The following PDE6B variants were observed in gnomAD, a reference collection of about 807,000 sequenced individuals.
PDE6B encodes rod cGMP-specific 3',5'-cyclic phosphodiesterase subunit beta.
A neutral mutation model predicts 109.0 loss-of-function variants in PDE6B; 106 were observed. That is an observed-to-expected ratio of 0.97 (90% CI 0.83 to 1.14). The LOEUF (loss-of-function observed/expected upper bound fraction) is 1.14, where lower values mean the gene tolerates loss of function less well. PDE6B is among the 50% of genes most tolerant of loss of function. PDE6B has a pLI of 0.00. For synonymous variants in PDE6B, 490 were observed against 471.3 expected, an observed-to-expected ratio of 1.04 and a Z score of -0.51; for missense variants, 1,193 against 1,155.6, an observed-to-expected ratio of 1.03 and a Z score of -0.47.
At chr4:661,204 A>G (rs549953368) in intron 12 of PDE6B, 1 of 153,194 alleles carries the variant, frequency 6.5e-6, no homozygotes, top group Non-Finnish European at 1.5e-5. Context: ...TGGATGGTGA[A>G]TGGATAGATT....
In PDE6B at chr4:670,227, C is replaced by G; in HGVS notation, c.*120C>G. On this transcript the variant is annotated 3_prime_UTR_variant, in exon 22 of 22. Coordinates refer to ENST00000496514, the MANE Select transcript of PDE6B (RefSeq NM_000283.4). ...CCCAAGAAAATGACTGAAGATCATT[C>G]TGGATATTTTAATTTTTTTTTTTTT... The G allele has an allele frequency of 7.5e-7, 1 of 1,339,050 alleles. No individual in the cohort carries two copies. The highest frequency in any genetic ancestry group is 1.0e-6 in the Non-Finnish European group (1 of 976,068). The allele number at this position is 1,339,050 out of a possible 1,614,324, so 82.9% of individuals were successfully genotyped here.
Position 635,962 on chromosome 4 carries a change from G to A in PDE6B, c.704G>A (p.Arg235His), listed in dbSNP as rs757918699. 3.3e-5 allele frequency: 53 copies of A among 1,595,242 alleles called. No individual in the cohort carries two copies. The highest frequency in any genetic ancestry group is 9.9e-5 in the South Asian group (9 of 90,708). ...TACCTCCACAACTGCGAGACGCGCC[G>A]CGGCCAGGTACCCACACGCTGAGCA... The part of the protein sequence containing the change: ...LSYLHNCETR[R>H]GQVLLWSANK... The change falls in exon 3 of 22, where the codon CGC (arginine) becomes CAC (histidine). Residue 235 changes from arginine to histidine, a missense_variant. Transcript: ENST00000496514.
At chr4:655,848 C>CA in intron 6 of PDE6B, 92 bp from the exon 7 acceptor site, 2 of 816,680 alleles carry the variant, frequency 2.4e-6, no homozygotes, top group Non-Finnish European at 4.4e-6. Context: ...CAGCCCCTCT[C>CA]ACCCCTGCAC....
Position 663,982 on chromosome 4 carries a change from C to T in PDE6B, c.2021+112C>T, listed in dbSNP as rs1434443755. ...GCCCGGGGGACGCAGCCCCGGATTC[C>T]GTCCCTGCCCGCCGGCCCCGCGCAC... On this transcript the variant is annotated intron_variant, in intron 16 of 21. Coordinates refer to ENST00000496514, the MANE Select transcript of PDE6B (RefSeq NM_000283.4). This position sits in a 1 kb window ranked among gnomAD's most constrained non-coding sequence, Gnocchi z 4.0. 4.6e-6 allele frequency: 5 copies of T among 1,091,936 alleles called. No homozygotes were observed. Among genetic ancestry groups the T allele is most frequent in the South Asian group, 2.6e-5 (2 of 76,764 alleles). 67.6% of individuals were successfully genotyped at this position (1,091,936 alleles called of 1,614,324 possible). A position where few individuals can be genotyped will look rare whatever the true frequency, so the allele number is the denominator to read the frequency against.
rs1196025102 is a variant in PDE6B at position 663,224 on chromosome 4, T to TGGGGACGCA, written c.1920+39_1920+47dup. 1 of 1,154,112 alleles carries TGGGGACGCA rather than the reference T, an allele frequency of 8.7e-7. No individual in the cohort carries two copies. The highest frequency in any genetic ancestry group is 1.3e-6 in the Non-Finnish European group (1 of 760,506). The allele number at this position is 1,154,112 out of a possible 1,614,324, so 71.5% of individuals were successfully genotyped here. On this transcript the variant is annotated intron_variant, in intron 15 of 21. Transcript: ENST00000496514. The surrounding 1 kb of genome is among the most constrained non-coding windows in gnomAD (Gnocchi z 4.0). ...CACCCTCGGTTTCTGCTGTGGGCGC[T>TGGGGACGCA]GGGGACGCAGCGTCCGCAGGACGGC...
In PDE6B at chr4:663,930, C is replaced by T; in HGVS notation, c.2021+60C>T. 7.7e-7 allele frequency: 1 copy of T among 1,300,162 alleles called. No homozygotes were observed. The highest frequency in any genetic ancestry group is 1.3e-5 in the South Asian group (1 of 79,578). The allele number at this position is 1,300,162 out of a possible 1,614,324, so 80.5% of individuals were successfully genotyped here. A position where few individuals can be genotyped will look rare whatever the true frequency, so the allele number is the denominator to read the frequency against. On this transcript the variant is annotated intron_variant, in intron 16 of 21. Coordinates refer to ENST00000496514, the MANE Select transcript of PDE6B (RefSeq NM_000283.4). This position sits in a 1 kb window ranked among gnomAD's most constrained non-coding sequence, Gnocchi z 4.0. The stretch of plus-strand genomic sequence containing the variant: ...CGGGCGGGTAGCCTGGGACCCCCGG[C>T]AGACACGGGGGCGCAGCGGCGGCAC...
At chr4:645,457 G>C (rs530551746) in intron 3 of PDE6B, among the ~76,000 whole-genome samples, 1 of 151,626 alleles carries the variant, frequency 6.6e-6, no homozygotes, top group South Asian at 2.1e-4. Context: ...CACCACGCCC[G>C]GCTAATTTTT....
intron 3 of PDE6B, chr4:653,625 C>T: frequency 6.4e-6 from 4 of 620,850 alleles, no homozygotes; most frequent in Non-Finnish European, 1.1e-5. Context: ...AGGGACACGA[C>T]CGCAGCCTCG....
At position 665,043 on chromosome 4, in the gene PDE6B, C is replaced by T; in HGVS notation, c.2193+99C>T. ...TCGGATGGCAACGGACCATTGTTTG[C>T]AAGGAGCTCTGAGGGCCACCTCGGG... On this transcript the variant is annotated intron_variant, in intron 18 of 21. Coordinates refer to ENST00000496514, the MANE Select transcript of PDE6B (RefSeq NM_000283.4). The surrounding 1 kb of genome is among the most constrained non-coding windows in gnomAD (Gnocchi z 4.0). 9.5e-7 allele frequency: 1 copy of T among 1,047,556 alleles called. No homozygotes were observed. 64.9% of individuals were successfully genotyped at this position (1,047,556 alleles called of 1,614,324 possible).
chr4:637,572 G>T (rs1233535633), intron 3 of PDE6B, among the ~76,000 whole-genome samples: 1 of 152,192 alleles, frequency 6.6e-6, no homozygotes, highest in Non-Finnish European at 1.5e-5. Context: ...TTCCTGCCCT[G>T]GTCTTGCCAT....
intron 2 of PDE6B, among the ~76,000 whole-genome samples, chr4:635,276 TCTGCCTCCCTGC>T (rs1469012535): frequency 5.6e-5 from 7 of 125,086 alleles, no homozygotes; most frequent in Admixed American, 8.7e-5. Context: ...GTGCTGCGCG[TCTGCCTCCCTGC>T]CTGCCTCCCT....
rs760598692 is a variant in PDE6B, at chr4:626,531, A to G, written c.468+437A>G. Among the ~76,000 whole-genome samples, 3 of 152,196 alleles carry G rather than the reference A, an allele frequency of 2.0e-5. No homozygotes were observed. The highest frequency in any genetic ancestry group is 2.9e-5 in the Non-Finnish European group (2 of 68,034). ...CCTTGGGATTTGGGAAGAAGAGGTCACAGTCGAAGGTGGTGCAGACGCCCA... is the reference window on the plus strand; with the variant it reads ...CCTTGGGATTTGGGAAGAAGAGGTCGCAGTCGAAGGTGGTGCAGACGCCCA... On this transcript the variant is annotated intron_variant, in intron 1 of 21. Coordinates refer to ENST00000496514, the MANE Select transcript of PDE6B (RefSeq NM_000283.4). This position sits in a 1 kb window ranked among gnomAD's most constrained non-coding sequence, Gnocchi z 4.6.
rs1303123003 is a variant in PDE6B at position 663,189 on chromosome 4, T to TTGGTA, written c.1920+4_1920+8dup. On this transcript the variant is annotated splice_region_variant and intron_variant, in intron 15 of 21. Transcript: ENST00000496514. This position sits in a 1 kb window ranked among gnomAD's most constrained non-coding sequence, Gnocchi z 4.0. ...GGGAAGTTCCTGCTCTCGGAGGAGGTTGGTATACTCACCCTCGGTTTCTGC... is the reference window on the plus strand; with the variant it reads ...GGGAAGTTCCTGCTCTCGGAGGAGGTTGGTATGGTATACTCACCCTCGGTTTCTGC... The TTGGTA allele has an allele frequency of 1.3e-6, 2 of 1,546,662 alleles. No individual in the cohort carries two copies. The highest frequency in any genetic ancestry group is 1.4e-5 in the African/African-American group (1 of 73,364).
chr4:637,345 C>T (rs1381944143), intron 3 of PDE6B, among the ~76,000 whole-genome samples: 3 of 152,056 alleles, frequency 2.0e-5, no homozygotes, highest in African/African-American at 7.2e-5. Context: ...CTCAGCCTCC[C>T]GAGTAGCTGG....
At chr4:656,739 A>T in intron 8 of PDE6B, 135 bp from the exon 9 acceptor site, 1 of 745,206 alleles carries the variant, frequency 1.3e-6, no homozygotes, top group Non-Finnish European at 2.3e-6. Context: ...GAGGGAATGC[A>T]GAGAGCAGAG....
At chr4:627,730 T>C (rs867793417) in intron 1 of PDE6B, among the ~76,000 whole-genome samples, 21 of 137,540 alleles carry the variant, frequency 1.5e-4, no homozygotes, top group Middle Eastern at 8.1e-3. Context: ...CCTCCCCGTC[T>C]CCCTTCCTTC....
intron 6 of PDE6B, 36 bp downstream of exon 6, chr4:654,924 G>A (rs1736029798): frequency 2.5e-6 from 3 of 1,192,894 alleles, no homozygotes; most frequent in South Asian, 1.2e-5. Context: ...GTCCCCGGGG[G>A]AGGGACCGCC....
chr4:670,324 C>T lies in PDE6B; in HGVS notation c.*217C>T. 1 of 538,780 alleles carries T rather than the reference C, an allele frequency of 1.9e-6. No individual in the cohort carries two copies. The highest frequency in any genetic ancestry group is 3.1e-6 in the Non-Finnish European group (1 of 321,792). The allele number at this position is 538,780 out of a possible 1,614,324, so 33.4% of individuals were successfully genotyped here. Reference sequence around the variant, plus strand: ...GTGGCACGATCTCAGCTCACTGCAACCTCCACCTCCCAGGTTCAAGCGATT... The same window carrying T: ...GTGGCACGATCTCAGCTCACTGCAATCTCCACCTCCCAGGTTCAAGCGATT... On this transcript the variant is annotated 3_prime_UTR_variant, in exon 22 of 22. Transcript: ENST00000496514.
chr4:638,304 G>A (rs1395674591), intron 3 of PDE6B, among the ~76,000 whole-genome samples: 2 of 152,278 alleles, frequency 1.3e-5, no homozygotes, highest in Admixed American at 1.3e-4. Context: ...CTTAGCATTT[G>A]AAGAGTTTTG....
Sources: allele counts gnomAD v4.1 joint callset (sites outside exome capture counted in the v4.1 genomes callset), GRCh38; gene constraint gnomAD v4.1.1; non-coding constraint Gnocchi (gnomAD v3.1); transcripts MANE v1.5; gene names NCBI Gene and HGNC (gene_info 2026-07-23, HGNC 2026-07-21).